Variants in SLC41A3 observed in about 807,000 individuals in gnomAD.
The protein encoded by SLC41A3 is SLC41A1-like 2.
A neutral mutation model predicts 45.4 loss-of-function variants in SLC41A3; 44 were observed. The observed-to-expected ratio is 0.97, with a 90% CI of 0.76 to 1.25. The LOEUF is 1.25. SLC41A3 is among the 50% of genes most tolerant of loss of function. The pLI is 0.00. For synonymous variants in SLC41A3, 256 were observed against 252.4 expected (o/e 1.01, Z -0.13); for missense variants, 550 against 600.6 (o/e 0.92, Z 0.88).
chr3:126,029,739 A>G (rs1941657449), intron 4 of SLC41A3, among the ~76,000 whole-genome samples: 1 of 152,224 alleles, frequency 6.6e-6, no homozygotes, highest in African/African-American at 2.4e-5. Flanking sequence ...TAGCTAAGAC[A>G]GCTTTGAGAA....
chr3:126,012,638 G>C lies in SLC41A3; in HGVS notation c.1082C>G (p.Pro361Arg). The C allele has an allele frequency of 1.2e-6, 2 of 1,614,182 alleles. No individual in the cohort carries two copies. The highest frequency in any genetic ancestry group is 1.7e-5 in the Admixed American group (1 of 60,032). The part of the protein sequence containing the change: ...PLQMKKFWPN[P>R]CSTFCTSEIN... ...ACCTGACGTGCAGAAAGTAGAACACGGGTTGGGCCAGAATTTCTTCATCTG... is the reference window on the plus strand; with the variant it reads ...ACCTGACGTGCAGAAAGTAGAACACCGGTTGGGCCAGAATTTCTTCATCTG... Residue 361 changes from proline (P) to arginine (R), a missense_variant, in exon 9 of 11, where the codon CCG (proline) becomes CGG (arginine). Physicochemically the swap from Pro to Arg is moderately radical, Grantham distance 103. Coordinates refer to ENST00000360370, the MANE Select transcript of SLC41A3 (RefSeq NM_017836.4).
intron 4 of SLC41A3, among the ~76,000 whole-genome samples, chr3:126,027,794 T>C (rs986451400): frequency 6.6e-6 from 1 of 152,212 alleles, no homozygotes; most frequent in Non-Finnish European, 1.5e-5. Context: ...CAGATGGAGA[T>C]GAGGATCTTT....
At chr3:126,049,251 C>T (rs1460622681) in intron 3 of SLC41A3, among the ~76,000 whole-genome samples, 1 of 152,220 alleles carries the variant, frequency 6.6e-6, no homozygotes, top group Non-Finnish European at 1.5e-5. Flanking sequence ...CTTTGGGAGG[C>T]TGAGGCGGGC....
At chr3:126,064,791 A>T (rs1944266517) in intron 2 of SLC41A3, among the ~76,000 whole-genome samples, 1 of 152,160 alleles carries the variant, frequency 6.6e-6, no homozygotes, top group African/African-American at 2.4e-5. Context: ...CAGTCCACCC[A>T]CAGAGCCCAG....
intron 1 of SLC41A3, among the ~76,000 whole-genome samples, chr3:126,077,842 GA>G (rs1436192131): frequency 6.6e-6 from 1 of 152,204 alleles, no homozygotes; most frequent in Non-Finnish European, 1.5e-5. Flanking sequence ...TGGAGCAGGT[GA>G]TGAGTTAGCA....
At chr3:126,013,597 G>A (rs1939949459) in intron 8 of SLC41A3, among the ~76,000 whole-genome samples, 1 of 151,850 alleles carries the variant, frequency 6.6e-6, no homozygotes, top group African/African-American at 2.4e-5. Flanking sequence ...AAGGTGAGGG[G>A]AGGACAGAGA....
chr3:126,018,297 G>C (rs1559814587), intron 6 of SLC41A3, among the ~76,000 whole-genome samples: 2 of 152,220 alleles, frequency 1.3e-5, no homozygotes, highest in African/African-American at 4.8e-5. Context: ...TGTGATGCCT[G>C]AACTCTCACT....
Position 126,016,803 on chromosome 3 carries a change from T to C in SLC41A3, c.818A>G (p.Lys273Arg), listed in dbSNP as rs1156565196. The change falls in exon 7 of 11, where the codon AAG (lysine) becomes AGG (arginine). Residue 273 changes from lysine (K) to arginine (R), a missense_variant. Coordinates refer to ENST00000360370, the MANE Select transcript of SLC41A3 (RefSeq NM_017836.4). ...ALTPVWVLIA[K>R]QSPPIVKILK... is the part of the protein sequence containing the mutation. ...GATCTTCACGATGGGTGGGCTCTGC[T>C]TGGCAATGAGGACCCACACTGGGGT... The C allele has an allele frequency of 1.2e-6, 2 of 1,612,754 alleles. No homozygotes were observed. Among genetic ancestry groups the C allele is most frequent in the Non-Finnish European group, 1.7e-6 (2 of 1,179,626 alleles).
chr3:126,022,513 AGGTCTCACCTC>A (rs1940977051), intron 6 of SLC41A3, among the ~76,000 whole-genome samples: 2 of 152,222 alleles, frequency 1.3e-5, no homozygotes, highest in Non-Finnish European at 2.9e-5. Flanking sequence ...CGTGCAGCTC[AGGTCTCACCTC>A]CTCTTCTTAT....
At chr3:126,095,385 G>C (rs1198644603) in intron 1 of SLC41A3, 10 of 507,716 alleles carry the variant, frequency 2.0e-5, no homozygotes, top group East Asian at 1.6e-4. Context: ...AGATCAAGAA[G>C]CTGTCACAGA....
rs537335333 is a variant in SLC41A3, at chr3:126,069,513, G to A, written c.-27-1267C>T. On this transcript the variant is annotated intron_variant, in intron 1 of 10. Coordinates refer to ENST00000360370, the MANE Select transcript of SLC41A3 (RefSeq NM_017836.4). ...AACAAGCAGCAACAGTAAATCCTGGGAAGGGGGGAATCTCATTTCCACACC... is the reference window on the plus strand; with the variant it reads ...AACAAGCAGCAACAGTAAATCCTGGAAAGGGGGGAATCTCATTTCCACACC... Among the ~76,000 whole-genome samples, 24 of 152,288 alleles carry A rather than the reference G, an allele frequency of 1.6e-4. No individual in the cohort carries two copies. The South Asian group carries it at 4.3e-3, about 28-fold the overall frequency.
intron 1 of SLC41A3, among the ~76,000 whole-genome samples, chr3:126,075,955 C>T (rs1324817735): frequency 6.6e-6 from 1 of 152,068 alleles, no homozygotes; most frequent in African/African-American, 2.4e-5. Flanking sequence ...ATCTGAAGTA[C>T]AAGCAACCAA....
At chr3:126,010,560 ACT>A (rs904202213) in intron 9 of SLC41A3, among the ~76,000 whole-genome samples, 1 of 152,082 alleles carries the variant, frequency 6.6e-6, no homozygotes, top group African/African-American at 2.4e-5. Context: ...TCAGACAATA[ACT>A]CTATTCCAAC....
At chr3:126,070,122 T>C (rs1430967320) in intron 1 of SLC41A3, 1 of 152,170 alleles carries the variant, frequency 6.6e-6, no homozygotes, top group Non-Finnish European at 1.5e-5. Flanking sequence ...GAATTCCAAG[T>C]AGAGTAAACT....
At chr3:126,021,587 C>A (rs1940886527) in intron 6 of SLC41A3, among the ~76,000 whole-genome samples, 1 of 152,170 alleles carries the variant, frequency 6.6e-6, no homozygotes, top group Non-Finnish European at 1.5e-5. Flanking sequence ...TAATGAGAAC[C>A]AGACAGCTCT....
intron 8 of SLC41A3, 87 bp from the exon 9 acceptor site, chr3:126,012,836 A>G: frequency 1.3e-6 from 2 of 1,565,138 alleles, no homozygotes; most frequent in Non-Finnish European, 1.7e-6. Context: ...TCCTCCAGGA[A>G]GTCTTCTTTG....
intron 1 of SLC41A3, among the ~76,000 whole-genome samples, chr3:126,094,052 A>G (rs770521751): frequency 1.2e-4 from 18 of 152,232 alleles, no homozygotes; most frequent in Non-Finnish European, 2.2e-4. Context: ...ACCTGGGACC[A>G]TTCAACCAAT....
At chr3:126,053,840 C>A (rs1943494819) in intron 2 of SLC41A3, among the ~76,000 whole-genome samples, 2 of 152,130 alleles carry the variant, frequency 1.3e-5, no homozygotes, top group Admixed American at 6.5e-5. Context: ...TCCTTGCCAC[C>A]CGTGTCCTTC....
chr3:126,076,581 A>G (rs1462077521), intron 1 of SLC41A3, among the ~76,000 whole-genome samples: 1 of 152,220 alleles, frequency 6.6e-6, no homozygotes, highest in Non-Finnish European at 1.5e-5. Context: ...ATTATGAATC[A>G]TTTATGAGAT....
Sources: allele counts gnomAD v4.1 joint callset (sites outside exome capture counted in the v4.1 genomes callset), GRCh38; gene constraint gnomAD v4.1.1; transcripts MANE v1.5; gene names NCBI Gene and HGNC (gene_info 2026-07-23, HGNC 2026-07-21).